The following TP73 variants were observed in gnomAD, a reference collection of about 807,000 sequenced individuals.
The protein encoded by TP73 is p53-like transcription factor.
TP73 carries 25 observed loss-of-function variants against 62.5 expected under a neutral mutation model. The observed-to-expected ratio is 0.40, with a 90% confidence interval of 0.29 to 0.56. The LOEUF (loss-of-function observed/expected upper bound fraction) is 0.56. TP73 is among the 20% of genes least tolerant of loss of function. The pLI, the probability that TP73 is intolerant of heterozygous loss-of-function variation, is 0.46. For synonymous variants in TP73, 423 were observed against 377.5 expected (o/e 1.12, Z -1.40); for missense variants, 754 against 913.3 (o/e 0.83, Z 2.25).
chr1:3,707,293 TC>T (rs1481732801), intron 3 of TP73, among the ~76,000 whole-genome samples: 1 of 152,162 alleles, frequency 6.6e-6, no homozygotes, highest in Non-Finnish European at 1.5e-5. Flanking sequence ...GAGAGTCTAT[TC>T]CGCCTCATCA....
At chr1:3,711,926 G>GC (rs1304380313) in intron 4 of TP73, among the ~76,000 whole-genome samples, 13 of 152,204 alleles carry the variant, frequency 8.5e-5, no homozygotes, top group African/African-American at 3.1e-4. Context: ...GGGTAGGAAA[G>GC]CCCCCCGTCC....
intron 1 of TP73, among the ~76,000 whole-genome samples, chr1:3,655,644 G>A: frequency 6.6e-6 from 1 of 152,188 alleles, no homozygotes; most frequent in East Asian, 1.9e-4. Flanking sequence ...TAAATGTAAT[G>A]TTTTATCACC....
intron 1 of TP73, among the ~76,000 whole-genome samples, chr1:3,677,638 C>G (rs188530987): frequency 6.6e-6 from 1 of 152,066 alleles, no homozygotes; most frequent in Admixed American, 6.5e-5. Context: ...GTAATACACA[C>G]TGGACGCCCC....
Position 3,707,578 on chromosome 1 carries a change from G to A in TP73, c.216G>A (p.Met72Ile), listed in dbSNP as rs886070137. The A allele has an allele frequency of 1.2e-6, 2 of 1,612,110 alleles. No individual in the cohort carries two copies. Among genetic ancestry groups the A allele is most frequent in the African/African-American group, 2.7e-5 (2 of 74,874 alleles). The change falls in exon 4 of 14, where the codon ATG becomes ATA. Residue 72 changes from methionine to isoleucine, a missense_variant. Physicochemically the swap from Met to Ile is conservative, Grantham distance 10. Coordinates refer to ENST00000378295, the MANE Select transcript of TP73 (RefSeq NM_005427.4). Reference protein sequence around the residue: ...MAQFNLLSSTMDQMSSRAASA... With the variant: ...MAQFNLLSSTIDQMSSRAASA... ...AGTTCAATCTGCTGAGCAGCACCAT[G>A]GACCAGATGAGCAGCCGCGCGGCCT...
chr1:3,687,750 CCT>C lies in TP73; in HGVS notation c.186+4571_186+4572del, dbSNP rs532013514. 5.3e-5 allele frequency among the ~76,000 whole-genome samples: 8 copies of C among 152,312 alleles called. No individual in the cohort carries two copies. In the East Asian group the frequency reaches 1.5e-3, roughly 29 times the overall value. The stretch of plus-strand genomic sequence containing the variant: ...AGCCTCCTCCAGGGCTGGCCCCTCC[CCT>C]GTGCCCCTTCCTGCCTCTCCTGGCG... On this transcript the variant is annotated intron_variant, in intron 3 of 13. Coordinates refer to ENST00000378295, the MANE Select transcript of TP73 (RefSeq NM_005427.4).
At chr1:3,674,172 C>T (rs1413080989) in intron 1 of TP73, among the ~76,000 whole-genome samples, 1 of 152,218 alleles carries the variant, frequency 6.6e-6, no homozygotes, top group Non-Finnish European at 1.5e-5. Flanking sequence ...GGGGGCACCC[C>T]CACCCACGGG....
intron 1 of TP73, among the ~76,000 whole-genome samples, chr1:3,674,618 G>A (rs1008785386): frequency 1.3e-5 from 2 of 152,218 alleles, no homozygotes; most frequent in Admixed American, 1.3e-4. Flanking sequence ...AGCCTCTGTC[G>A]GGAGGGGCAG....
intron 1 of TP73, among the ~76,000 whole-genome samples, chr1:3,655,903 C>T (rs1443752839): frequency 1.3e-5 from 2 of 152,172 alleles, no homozygotes; most frequent in Non-Finnish European, 1.5e-5. Context: ...CTCAGCCGGG[C>T]GCAGTGGCTC....
intron 1 of TP73, among the ~76,000 whole-genome samples, chr1:3,667,002 A>T (rs138791531): frequency 0.011 from 1,616 of 152,340 alleles, 14 homozygotes; most frequent in Non-Finnish European, 0.016. Context: ...GGCAGGATCC[A>T]GGTGGGTCCA....
At chr1:3,674,074 G>T (rs1348637349) in intron 1 of TP73, among the ~76,000 whole-genome samples, 1 of 152,194 alleles carries the variant, frequency 6.6e-6, no homozygotes, top group Non-Finnish European at 1.5e-5. Context: ...GGGCCGTCGT[G>T]GGGTGGCTGG....
At chr1:3,728,985 C>T (rs939843840) in intron 9 of TP73, among the ~76,000 whole-genome samples, 3 of 113,462 alleles carry the variant, frequency 2.6e-5, no homozygotes, top group African/African-American at 5.5e-5. Context: ...AAGACGCTGT[C>T]GAAAGAAAGA....
chr1:3,679,175 A>G (rs1038648117), intron 1 of TP73, among the ~76,000 whole-genome samples: 1 of 152,180 alleles, frequency 6.6e-6, no homozygotes, highest in Admixed American at 6.5e-5. Context: ...GCTGTTCCTC[A>G]TTCAGGGTTC....
intron 10 of TP73, 157 bp downstream of exon 10, chr1:3,729,605 C>A: frequency 7.3e-7 from 1 of 1,368,890 alleles, no homozygotes; most frequent in East Asian, 2.3e-5. Context: ...TCTCCTCCTC[C>A]AGGAAGCCTT....
rs956580099 is a variant in TP73, at chr1:3,701,066, C to T, written c.187-6483C>T. ...GGCCGACATGGCGGGCAGTGGCACA[C>T]CGTGGCCACTTCCCCCAGTTGGATG... On this transcript the variant is annotated intron_variant, in intron 3 of 13. Transcript: ENST00000378295. The surrounding 1 kb of genome is among the most constrained non-coding windows in gnomAD (Gnocchi z 4.7). Among the ~76,000 whole-genome samples, 5 of 152,200 alleles carry T rather than the reference C, an allele frequency of 3.3e-5. No individual in the cohort carries two copies. The highest frequency in any genetic ancestry group is 7.3e-5 in the Non-Finnish European group (5 of 68,028).
At chr1:3,678,446 G>C (rs1645424418) in intron 1 of TP73, among the ~76,000 whole-genome samples, 1 of 152,220 alleles carries the variant, frequency 6.6e-6, no homozygotes, top group Non-Finnish European at 1.5e-5. Flanking sequence ...GGTGTGTGAG[G>C]CCGGTTGGGG....
intron 1 of TP73, among the ~76,000 whole-genome samples, chr1:3,655,617 A>T (rs989777111): frequency 1.3e-5 from 2 of 152,226 alleles, no homozygotes; most frequent in Non-Finnish European, 2.9e-5. Context: ...TTGTATCTGA[A>T]TGTGGTGAAA....
chr1:3,688,665 G>C (rs780434069), intron 3 of TP73, among the ~76,000 whole-genome samples: 1 of 152,214 alleles, frequency 6.6e-6, no homozygotes, highest in Admixed American at 6.5e-5. Context: ...GCTGGGCCTT[G>C]GGAACGTTTG....
At position 3,727,767 on chromosome 1, in the gene TP73, C is replaced by T. The variant is rs760120917; in HGVS notation, c.982C>T (p.Arg328Cys). Residue 328 changes from arginine (R) to cysteine (C), a missense_variant, in exon 8 of 14, where the codon CGT (arginine) becomes TGT (cysteine). Coordinates refer to ENST00000378295, the MANE Select transcript of TP73 (RefSeq NM_005427.4). ...CGCCAAGAACGGGGCCGCCAGCAAG[C>T]GTGGTGAGCGGCCGGCCAGGGGAAC... Reference protein sequence around the residue: ...SSAKNGAASKRAFKQSPPAVP... With the variant: ...SSAKNGAASKCAFKQSPPAVP... The T allele has an allele frequency of 2.3e-5, 36 of 1,535,044 alleles. 1 individual carries two copies. In the South Asian group the frequency reaches 4.0e-4, roughly 17 times the overall value.
At chr1:3,656,312 A>G (rs566843926) in intron 1 of TP73, among the ~76,000 whole-genome samples, 3 of 152,214 alleles carry the variant, frequency 2.0e-5, no homozygotes, top group Non-Finnish European at 2.9e-5. Context: ...TGTGCTCAGT[A>G]TTTCTTTGCA....
Sources: gnomAD v4.1 joint callset for allele counts (sites outside exome capture counted in the v4.1 genomes callset) on GRCh38, gnomAD v4.1.1 for gene constraint, Gnocchi (gnomAD v3.1) non-coding constraint, MANE v1.5 for transcripts, NCBI Gene and HGNC (gene_info 2026-07-23, HGNC 2026-07-21) for gene names.